Variants in API5 observed in about 807,000 individuals in gnomAD.
The protein encoded by API5 is apoptosis inhibitor 5.
API5 carries 6 observed loss-of-function variants against 71.9 expected under a neutral mutation model. That is an observed-to-expected ratio of 0.08 (90% CI 0.05 to 0.16). API5 has a LOEUF of 0.16. API5 is among the 10% of genes least tolerant of loss of function. The pLI, the probability that API5 is intolerant of heterozygous loss-of-function variation, is 1.00. For missense variants in API5, 332 were observed against 612.8 expected (o/e 0.54, Z 4.84); for synonymous variants, 189 against 221.3 (o/e 0.85, Z 1.30).
chr11:43,328,654 T>C, intron 8 of API5, 58 bp from the exon 9 acceptor site: 1 of 1,457,198 alleles, frequency 6.9e-7, no homozygotes, highest in Non-Finnish European at 9.5e-7. Flanking sequence ...CCTGAATATC[T>C]GTTTATAATT....
chr11:43,318,578 C>G (rs1590351171), intron 1 of API5, 62 bp from the exon 2 acceptor site: 1 of 1,591,820 alleles, frequency 6.3e-7, no homozygotes, highest in East Asian at 2.2e-5. Flanking sequence ...TTGTTATGGT[C>G]TTTTACTTTG....
In API5 at chr11:43,326,716, CT is replaced by C. The variant is rs370136613; in HGVS notation, c.855+106del. Reference sequence around the variant, plus strand: ...ATTTCTAAGGGAGCAGTTTAAATGTCTGGTAATGGCCAGCCAGTAATCTCCC... The same window carrying C: ...ATTTCTAAGGGAGCAGTTTAAATGTCGGTAATGGCCAGCCAGTAATCTCCC... On this transcript the variant is annotated intron_variant, in intron 7 of 13. Coordinates refer to ENST00000531273, the MANE Select transcript of API5 (RefSeq NM_001142930.2). The C allele has an allele frequency of 5.6e-4, 369 of 660,236 alleles. 2 individuals carry two copies. The East Asian group carries it at 8.8e-3, about 16-fold the overall frequency. 40.9% of individuals were successfully genotyped at this position (660,236 alleles called of 1,614,324 possible).
At chr11:43,333,066 A>G (rs1369033012) in intron 11 of API5, among the ~76,000 whole-genome samples, 1 of 152,202 alleles carries the variant, frequency 6.6e-6, no homozygotes, top group African/African-American at 2.4e-5. Context: ...ATATTGCTCT[A>G]GTCACTTAGG....
At chr11:43,318,325 A>C in intron 1 of API5, 1 of 1,218,260 alleles carries the variant, frequency 8.2e-7, no homozygotes, top group Non-Finnish European at 1.1e-6. Context: ...AAATTTTTTA[A>C]GCATGATACA....
intron 6 of API5, 47 bp downstream of exon 6, chr11:43,323,683 T>A: frequency 2.6e-6 from 4 of 1,547,354 alleles, no homozygotes; most frequent in Non-Finnish European, 3.6e-6. Context: ...TATATATATT[T>A]CCATAAATAC....
intron 2 of API5, among the ~76,000 whole-genome samples, chr11:43,320,397 G>A (rs1854835138): frequency 1.3e-5 from 2 of 151,762 alleles, no homozygotes; most frequent in South Asian, 4.2e-4. Context: ...TCATATTTTT[G>A]TGACTCGTAT....
intron 11 of API5, among the ~76,000 whole-genome samples, chr11:43,333,889 C>T (rs1467719690): frequency 1.3e-5 from 2 of 152,102 alleles, no homozygotes; most frequent in African/African-American, 4.8e-5. Context: ...TTTGGGAGAA[C>T]CTGAAATTTT....
At chr11:43,330,195 T>C in intron 10 of API5, 137 bp downstream of exon 10, 1 of 714,858 alleles carries the variant, frequency 1.4e-6, no homozygotes, top group South Asian at 2.0e-5. Context: ...ATATTTTAGA[T>C]TTTTATTATG....
chr11:43,330,503 T>C lies in API5; in HGVS notation c.1222-5T>C. ...ATTTGTCTTAATTTTCCTTTCCCTTTGTAGAACAAGATTAAAGTCGTTGCA... is the reference window on the plus strand; with the variant it reads ...ATTTGTCTTAATTTTCCTTTCCCTTCGTAGAACAAGATTAAAGTCGTTGCA... On this transcript the variant is annotated splice_region_variant and splice_polypyrimidine_tract_variant and intron_variant, in intron 10 of 13. Coordinates refer to ENST00000531273, the MANE Select transcript of API5 (RefSeq NM_001142930.2). The C allele has an allele frequency of 6.3e-7, 1 of 1,589,504 alleles. No homozygotes were observed. The highest frequency in any genetic ancestry group is 1.7e-5 in the Admixed American group (1 of 59,806).
intron 6 of API5, 28 bp from the exon 7 acceptor site, chr11:43,326,479 C>T (rs771719030): frequency 7.3e-7 from 1 of 1,369,244 alleles, no homozygotes; most frequent in East Asian, 2.3e-5. Flanking sequence ...TGTTTTTCGA[C>T]AATGCATTTT....
At chr11:43,327,516 C>G (rs1026657552) in intron 7 of API5, among the ~76,000 whole-genome samples, 1 of 152,206 alleles carries the variant, frequency 6.6e-6, no homozygotes, top group Non-Finnish European at 1.5e-5. Context: ...CTTCTTCTCA[C>G]AGATATATTG....
chr11:43,312,071 C>A lies in API5; in HGVS notation c.-57C>A. ...TGGGTTTGGAGAAGTTCCGAGGCGG[C>A]GGTGGCGCCGGTCAGGACAAGGATA... On this transcript the variant is annotated 5_prime_UTR_variant, in exon 1 of 14. Transcript: ENST00000531273. The A allele has an allele frequency of 6.3e-7, 1 of 1,591,572 alleles. No homozygotes were observed. Among genetic ancestry groups the A allele is most frequent in the East Asian group, 2.2e-5 (1 of 44,536 alleles).
At chr11:43,340,476 G>A (rs896209537) in intron 13 of API5, among the ~76,000 whole-genome samples, 3 of 151,928 alleles carry the variant, frequency 2.0e-5, no homozygotes, top group Admixed American at 2.0e-4. Flanking sequence ...AATAGCCAAA[G>A]CAATACTGAG....
At chr11:43,329,262 T>A (rs1319331463) in intron 9 of API5, 2 of 176,766 alleles carry the variant, frequency 1.1e-5, no homozygotes, top group African/African-American at 2.4e-5. Context: ...GGAGGCTCAC[T>A]TGAGCCCAGG....
At position 43,342,667 on chromosome 11, in the gene API5, C is replaced by G. The variant is rs1417875829; in HGVS notation, c.*157C>G. 1.3e-6 allele frequency: 1 copy of G among 773,814 alleles called. No homozygotes were observed. Among genetic ancestry groups the G allele is most frequent in the East Asian group, 2.7e-5 (1 of 37,528 alleles). The allele number at this position is 773,814 out of a possible 1,614,324, so 47.9% of individuals were successfully genotyped here. ...TTGTATGTATGACCTACTTTTGTAA[C>G]AGACCATGGTTGTGTCCAAGGTAAA... On this transcript the variant is annotated 3_prime_UTR_variant, in exon 14 of 14. Transcript: ENST00000531273.
At chr11:43,333,723 CTCTA>C (rs1855335504) in intron 11 of API5, among the ~76,000 whole-genome samples, 1 of 152,142 alleles carries the variant, frequency 6.6e-6, no homozygotes, top group African/African-American at 2.4e-5. Flanking sequence ...TCACAGTGGT[CTCTA>C]TCTCCCTCAT....
intron 13 of API5, among the ~76,000 whole-genome samples, chr11:43,337,787 A>G (rs527382649): frequency 3.3e-5 from 5 of 152,350 alleles, no homozygotes; most frequent in African/African-American, 1.2e-4. Flanking sequence ...GAAAGTAATC[A>G]ATAGCTATGG....
intron 9 of API5, 135 bp downstream of exon 9, chr11:43,329,028 A>G: frequency 2.3e-6 from 2 of 861,128 alleles, no homozygotes; most frequent in African/African-American, 1.7e-5. Flanking sequence ...GGTTCAGAAA[A>G]TGGGCATGTT....
chr11:43,340,913 G>A (rs143328225), intron 13 of API5, among the ~76,000 whole-genome samples: 163 of 152,134 alleles, frequency 1.1e-3, no homozygotes, highest in African/African-American at 3.6e-3. Context: ...TAAAAGCACA[G>A]GCAACAAAAA....
Sources: allele counts gnomAD v4.1 joint callset (sites outside exome capture counted in the v4.1 genomes callset), GRCh38; gene constraint gnomAD v4.1.1; transcripts MANE v1.5; gene names NCBI Gene and HGNC (gene_info 2026-07-23, HGNC 2026-07-21).